Variants in SETBP1 observed in about 807,000 individuals in gnomAD.
SETBP1 encodes SET binding protein 1.
A neutral mutation model predicts 101.0 loss-of-function variants in SETBP1; 9 were observed. The observed-to-expected ratio is 0.09, with a 90% confidence interval of 0.05 to 0.16. SETBP1 has a LOEUF of 0.16. Ranked by LOEUF, SETBP1 falls within the 10% of genes least tolerant of loss-of-function variation. The pLI, the probability that SETBP1 is intolerant of heterozygous loss-of-function variation, is 1.00. For synonymous variants in SETBP1, 818 were observed against 788.5 expected (o/e 1.04, Z -0.63); for missense variants, 1,858 against 2,033.8 (o/e 0.91, Z 1.66).
intron 2 of SETBP1, among the ~76,000 whole-genome samples, chr18:44,788,239 T>C (rs548526675): frequency 6.6e-6 from 1 of 152,224 alleles, no homozygotes; most frequent in East Asian, 1.9e-4. Context: ...GGCTGCCTCC[T>C]TTCTGAACTG....
At chr18:44,916,759 G>T (rs2070438170) in intron 3 of SETBP1, among the ~76,000 whole-genome samples, 1 of 152,198 alleles carries the variant, frequency 6.6e-6, no homozygotes, top group Non-Finnish European at 1.5e-5. Flanking sequence ...TATTCATTCT[G>T]TCAACCTCAG....
At chr18:44,839,841 T>C (rs940058628) in intron 2 of SETBP1, among the ~76,000 whole-genome samples, 1 of 152,216 alleles carries the variant, frequency 6.6e-6, no homozygotes, top group Non-Finnish European at 1.5e-5. Flanking sequence ...TCAGACTTGA[T>C]ATTTGCTGAA....
rs1354493924 is a variant in SETBP1, at chr18:45,063,899, G to T, written c.*201G>T. The T allele has an allele frequency of 7.0e-6, 4 of 567,570 alleles. No homozygotes were observed. The East Asian group carries it at 1.3e-4, about 18-fold the overall frequency. The allele number at this position is 567,570 out of a possible 1,614,324, so 35.2% of individuals were successfully genotyped here. ...GCAAAGCAGGGAGACACCTTCAGAAGAAGCTTGTCTGAGCTTCACCGCAGC... is the reference window on the plus strand; with the variant it reads ...GCAAAGCAGGGAGACACCTTCAGAATAAGCTTGTCTGAGCTTCACCGCAGC... On this transcript the variant is annotated 3_prime_UTR_variant, in exon 6 of 6. Transcript: ENST00000649279.
chr18:44,855,631 C>T (rs554157765), intron 2 of SETBP1, among the ~76,000 whole-genome samples: 1 of 152,308 alleles, frequency 6.6e-6, no homozygotes, highest in Admixed American at 6.5e-5. Flanking sequence ...TGACTTCAGG[C>T]TAGTAGCTTG....
chr18:44,773,696 C>T (rs1156345504), intron 2 of SETBP1, among the ~76,000 whole-genome samples: 1 of 152,080 alleles, frequency 6.6e-6, no homozygotes, highest in Non-Finnish European at 1.5e-5. Flanking sequence ...AAAACCCAGT[C>T]CAACCACTGG....
chr18:44,991,084 A>C (rs2072363728), intron 4 of SETBP1, among the ~76,000 whole-genome samples: 1 of 151,900 alleles, frequency 6.6e-6, no homozygotes, highest in Non-Finnish European at 1.5e-5. Context: ...TCTACTAAAA[A>C]TGCAAAAATT....
chr18:44,758,111 C>G (rs867536369), intron 2 of SETBP1, among the ~76,000 whole-genome samples: 3 of 152,120 alleles, frequency 2.0e-5, no homozygotes, highest in African/African-American at 7.2e-5. Context: ...ATCCGTGTAG[C>G]GTACAGCTCT....
At chr18:44,709,602 C>G (rs1011189095) in intron 2 of SETBP1, among the ~76,000 whole-genome samples, 1 of 152,294 alleles carries the variant, frequency 6.6e-6, no homozygotes, top group Admixed American at 6.5e-5. Context: ...CTTAGTATGT[C>G]CTGCTCTCAT....
intron 2 of SETBP1, among the ~76,000 whole-genome samples, chr18:44,866,298 G>A (rs2069127665): frequency 6.6e-6 from 1 of 152,226 alleles, no homozygotes; most frequent in African/African-American, 2.4e-5. Flanking sequence ...GGCGCTGAGT[G>A]CTGTTTCCTT....
intron 2 of SETBP1, among the ~76,000 whole-genome samples, chr18:44,810,411 G>A (rs564497081): frequency 6.6e-6 from 1 of 152,324 alleles, no homozygotes; most frequent in Non-Finnish European, 1.5e-5. Flanking sequence ...CCTTAATACA[G>A]ATGGAGGGTT....
rs146321232 is a variant in SETBP1, at chr18:44,950,421, G to T, written c.1081G>T (p.Ala361Ser). ...GGATTGGGTCAAGAATGCCCAGAAAGCATTTGACAATACAGAAGGGAAAAG... is the reference window on the plus strand; with the variant it reads ...GGATTGGGTCAAGAATGCCCAGAAATCATTTGACAATACAGAAGGGAAAAG... Reference protein sequence around the residue: ...DLDWVKNAQKAFDNTEGKREG... With the variant: ...DLDWVKNAQKSFDNTEGKREG... Residue 361 changes from alanine (A) to serine (S), a missense_variant, in exon 4 of 6, where the codon GCA becomes TCA. By Grantham distance (99) the Ala-to-Ser change is moderately conservative. Coordinates refer to ENST00000649279, the MANE Select transcript of SETBP1 (RefSeq NM_015559.3). 6.2e-7 allele frequency: 1 copy of T among 1,614,044 alleles called. No homozygotes were observed. The highest frequency in any genetic ancestry group is 1.3e-5 in the African/African-American group (1 of 74,944).
chr18:45,060,895 C>T (rs544889586), intron 5 of SETBP1, among the ~76,000 whole-genome samples: 1 of 152,304 alleles, frequency 6.6e-6, no homozygotes, highest in East Asian at 1.9e-4. Flanking sequence ...TTCCATCAAG[C>T]TTAACTCGGT....
chr18:44,927,496 G>A (rs768493318), intron 3 of SETBP1, among the ~76,000 whole-genome samples: 1 of 152,216 alleles, frequency 6.6e-6, no homozygotes, highest in Non-Finnish European at 1.5e-5. Context: ...AAGAAAAGGG[G>A]ATAAGGTGTG....
At chr18:44,739,392 T>C (rs1182005321) in intron 2 of SETBP1, among the ~76,000 whole-genome samples, 1 of 152,214 alleles carries the variant, frequency 6.6e-6, no homozygotes, top group African/African-American at 2.4e-5. Flanking sequence ...ACCTTGCCTT[T>C]ATCTCCTTGA....
chr18:44,702,995 A>G (rs1325702560), intron 2 of SETBP1, among the ~76,000 whole-genome samples: 1 of 152,204 alleles, frequency 6.6e-6, no homozygotes, highest in Non-Finnish European at 1.5e-5. Context: ...GGAATGAATG[A>G]GTTCATATTT....
At chr18:44,963,899 C>CAAAA (rs59077847) in intron 4 of SETBP1, among the ~76,000 whole-genome samples, 1,043 of 41,114 alleles carry the variant, frequency 0.025, 101 homozygotes, top group African/African-American at 0.091. Flanking sequence ...GACCCCATCT[C>CAAAA]AAAAAAAAAA....
intron 2 of SETBP1, among the ~76,000 whole-genome samples, chr18:44,744,600 C>G (rs1331378593): frequency 6.6e-6 from 1 of 152,168 alleles, no homozygotes; most frequent in Non-Finnish European, 1.5e-5. Flanking sequence ...CCCTGGCTGG[C>G]GAATGTCGCG....
At chr18:45,018,744 A>G (rs1449615076) in intron 4 of SETBP1, among the ~76,000 whole-genome samples, 1 of 152,336 alleles carries the variant, frequency 6.6e-6, no homozygotes, top group East Asian at 1.9e-4. Flanking sequence ...AAAACAGAGC[A>G]GTGGTTAAAG....
At chr18:44,754,266 A>C (rs1430302517) in intron 2 of SETBP1, among the ~76,000 whole-genome samples, 1 of 152,194 alleles carries the variant, frequency 6.6e-6, no homozygotes, top group Non-Finnish European at 1.5e-5. Context: ...ATATGAATAA[A>C]ATAGAACCTA....
Sources: allele counts gnomAD v4.1 joint callset (sites outside exome capture counted in the v4.1 genomes callset), GRCh38; gene constraint gnomAD v4.1.1; transcripts MANE v1.5; gene names NCBI Gene and HGNC (gene_info 2026-07-23, HGNC 2026-07-21).